The following GLIPR2 variants were observed in gnomAD, a reference collection of about 807,000 sequenced individuals.
GLIPR2 encodes GLI pathogenesis related 2, also known as Golgi-associated plant pathogenesis-related protein 1.
In GLIPR2, 21 loss-of-function variants were observed where a neutral mutation model predicts 20.4. The ratio of observed to expected loss-of-function variants is 1.03; its 90% confidence interval spans 0.73 to 1.48. GLIPR2 has a LOEUF of 1.48. GLIPR2 is among the 40% of genes most tolerant of loss of function. The pLI, the probability that GLIPR2 is intolerant of heterozygous loss-of-function variation, is 0.00. For synonymous variants in GLIPR2, 91 were observed against 80.5 expected (o/e 1.13, Z -0.70); for missense variants, 205 against 200.1 (o/e 1.02, Z -0.15).
chr9:36,158,806 C>T (rs1201109682), intron 4 of GLIPR2, among the ~76,000 whole-genome samples: 2 of 152,080 alleles, frequency 1.3e-5, no homozygotes, highest in Admixed American at 6.6e-5. Flanking sequence ...GGCTCACGCC[C>T]GTAATCCCAA....
chr9:36,137,055 A>G (rs994067857), intron 1 of GLIPR2, among the ~76,000 whole-genome samples: 6 of 152,160 alleles, frequency 3.9e-5, no homozygotes, highest in African/African-American at 1.4e-4. Flanking sequence ...GCGGCCCGCC[A>G]AGGCGTGGCT....
At chr9:36,148,216 C>T (rs1429311587) in intron 2 of GLIPR2, among the ~76,000 whole-genome samples, 1 of 151,814 alleles carries the variant, frequency 6.6e-6, no homozygotes, top group Non-Finnish European at 1.5e-5. Context: ...CCACTGCACT[C>T]CAGCCTGGGT....
intron 4 of GLIPR2, among the ~76,000 whole-genome samples, chr9:36,160,315 G>A (rs1214474661): frequency 2.0e-5 from 3 of 152,124 alleles, no homozygotes; most frequent in East Asian, 1.9e-4. Context: ...GAGTCACGGC[G>A]CCCGGCCTTA....
intron 2 of GLIPR2, among the ~76,000 whole-genome samples, 199 bp downstream of exon 2, chr9:36,148,093 C>T (rs1387261566): frequency 6.6e-6 from 1 of 152,148 alleles, no homozygotes; most frequent in African/African-American, 2.4e-5. Flanking sequence ...ACTAAAAATA[C>T]AAAAATTAGC....
At chr9:36,153,910 A>T (rs1825709172) in intron 4 of GLIPR2, among the ~76,000 whole-genome samples, 1 of 151,810 alleles carries the variant, frequency 6.6e-6, no homozygotes, top group Non-Finnish European at 1.5e-5. Context: ...TCCAAAAAAA[A>T]CAAAAACAAA....
intron 1 of GLIPR2, among the ~76,000 whole-genome samples, chr9:36,142,466 G>T (rs942415485): frequency 1.3e-5 from 2 of 152,188 alleles, no homozygotes; most frequent in Non-Finnish European, 2.9e-5. Context: ...CACAGAAGAT[G>T]GCGAGAAATA....
At chr9:36,150,716 T>G (rs532688432) in intron 3 of GLIPR2, among the ~76,000 whole-genome samples, 156 bp from the exon 4 acceptor site, 111 of 152,214 alleles carry the variant, frequency 7.3e-4, no homozygotes, top group African/African-American at 2.1e-3. Context: ...AGTCCCTGAG[T>G]CTGCAAAGCA....
chr9:36,141,787 G>A, intron 1 of GLIPR2: 1 of 453,732 alleles, frequency 2.2e-6, no homozygotes, highest in Non-Finnish European at 4.4e-6. Context: ...CCGAGTAGCT[G>A]GGACCACAGG....
intron 4 of GLIPR2, among the ~76,000 whole-genome samples, chr9:36,151,400 C>T (rs1235378642): frequency 6.6e-6 from 1 of 152,200 alleles, no homozygotes; most frequent in Non-Finnish European, 1.5e-5. Flanking sequence ...CTGGGGCCAT[C>T]AGGAGAAGGC....
At chr9:36,160,973 G>A (rs1427663556) in intron 4 of GLIPR2, among the ~76,000 whole-genome samples, 1 of 152,078 alleles carries the variant, frequency 6.6e-6, no homozygotes, top group Non-Finnish European at 1.5e-5. Flanking sequence ...AACCAAGGAG[G>A]TGGAGGTTGC....
chr9:36,152,884 G>A (rs114333609), intron 4 of GLIPR2, among the ~76,000 whole-genome samples: 1 of 133,898 alleles, frequency 7.5e-6, no homozygotes, highest in East Asian at 2.3e-4. Flanking sequence ...CAAGGCAGGC[G>A]AATCACTTGA....
At chr9:36,162,090 ACT>A in intron 4 of GLIPR2, 1 of 490,592 alleles carries the variant, frequency 2.0e-6, no homozygotes, top group Non-Finnish European at 3.3e-6. Context: ...CAGGAGAATC[ACT>A]CGAACCCAGG....
chr9:36,148,449 G>A (rs975784211), intron 2 of GLIPR2, 98 bp from the exon 3 acceptor site: 57 of 789,690 alleles, frequency 7.2e-5, no homozygotes, highest in Non-Finnish European at 1.0e-4. Context: ...CTGTGAGCCC[G>A]GGGCAGGGAA....
At chr9:36,145,776 A>G (rs1215675000) in intron 1 of GLIPR2, among the ~76,000 whole-genome samples, 5 of 151,954 alleles carry the variant, frequency 3.3e-5, no homozygotes, top group Non-Finnish European at 7.4e-5. Flanking sequence ...AAGATGTTGG[A>G]TGGATGGATG....
intron 4 of GLIPR2, among the ~76,000 whole-genome samples, chr9:36,156,419 G>A (rs1338865928): frequency 1.4e-5 from 2 of 138,284 alleles, no homozygotes; most frequent in African/African-American, 5.2e-5. Flanking sequence ...AAAAGAAATT[G>A]TAGTAAAGCA....
rs750192252 is a variant in GLIPR2, at chr9:36,162,366, C to G, written c.309C>G (p.His103Gln). 6.2e-7 allele frequency: 1 copy of G among 1,612,502 alleles called. No individual in the cohort carries two copies. Among genetic ancestry groups the G allele is most frequent in the Non-Finnish European group, 8.5e-7 (1 of 1,179,088 alleles). The change falls in exon 5 of 5, where the codon CAC becomes CAG. Residue 103 changes from histidine to glutamine, a missense_variant. Transcript: ENST00000377960. ...QQPGFTSGTG[H>Q]FTAMVWKNTK... ...CCTCTGCCCGTTCCCCTACAGGACA[C>G]TTCACGGCCATGGTATGGAAGAACA...
chr9:36,136,705 C>G (rs1303925393), upstream of GLIPR2: 1 of 1,090,612 alleles, frequency 9.2e-7, no homozygotes, highest in African/African-American at 1.6e-5. This position sits in a 1 kb window ranked among gnomAD's most constrained non-coding sequence, Gnocchi z 4.3. Flanking sequence ...CGGTCCTGGG[C>G]TCTGGGGCGG....
chr9:36,136,769 G>C lies in GLIPR2; in HGVS notation c.-10G>C, dbSNP rs763570866. 4.6e-6 allele frequency: 6 copies of C among 1,293,046 alleles called. No homozygotes were observed. The East Asian group carries it at 1.9e-4, about 41-fold the overall frequency. 80.1% of individuals were successfully genotyped at this position (1,293,046 alleles called of 1,614,324 possible). On this transcript the variant is annotated 5_prime_UTR_variant, in exon 1 of 5. Coordinates refer to ENST00000377960, the MANE Select transcript of GLIPR2 (RefSeq NM_022343.4). This position sits in a 1 kb window ranked among gnomAD's most constrained non-coding sequence, Gnocchi z 4.3. The stretch of plus-strand genomic sequence containing the variant: ...CAGCCGCGGGGAGCGAGGAGCGCGC[G>C]GAGCCGGCCATGGGCAAGTCAGGTG...
At chr9:36,159,709 G>A (rs1404166433) in intron 4 of GLIPR2, among the ~76,000 whole-genome samples, 4 of 152,174 alleles carry the variant, frequency 2.6e-5, no homozygotes, top group African/African-American at 9.7e-5. Context: ...GCTCACACCT[G>A]TAATCCCAAT....
Sources: gnomAD v4.1 joint callset for allele counts (sites outside exome capture counted in the v4.1 genomes callset) on GRCh38, gnomAD v4.1.1 for gene constraint, Gnocchi (gnomAD v3.1) non-coding constraint, MANE v1.5 for transcripts, NCBI Gene and HGNC (gene_info 2026-07-23, HGNC 2026-07-21) for gene names.